CRLF3: variants seen among roughly 807,000 people sequenced by gnomAD.
CRLF3 encodes the protein cytokine receptor like factor 3, also known as cytokine receptor-like factor 3.
A neutral mutation model predicts 55.0 loss-of-function variants in CRLF3; 33 were observed. The ratio of observed to expected loss-of-function variants is 0.60; its 90% CI spans 0.46 to 0.80. The LOEUF is 0.80. Among genes scored for constraint, CRLF3 ranks in the 30% least tolerant of loss-of-function variants. The probability of loss-of-function intolerance (pLI) is 0.00; values close to 1 mark genes in which losing one functional copy is unlikely to be tolerated. For missense variants in CRLF3, 494 were observed against 538.4 expected, an observed-to-expected ratio of 0.92 and a Z score of 0.82; for synonymous variants, 238 against 196.8, an observed-to-expected ratio of 1.21 and a Z score of -1.75.
rs1971563275 is a variant in CRLF3 at position 30,783,793 on chromosome 17, CCTCTTGTTCTAAAGAGTTA to C, written c.*375_*393del. ...CACAGCTTCTTCTATCTGACCTATT[CCTCTTGTTCTAAAGAGTTA>C]CATGGACTTGGATCCTTTAAGATGA... On this transcript the variant is annotated 3_prime_UTR_variant, in exon 8 of 8. Transcript: ENST00000324238. The C allele has an allele frequency of 5.9e-6, 1 of 168,186 alleles. No individual in the cohort carries two copies. The highest frequency in any genetic ancestry group is 1.3e-5 in the Non-Finnish European group (1 of 77,862). 10.4% of individuals were successfully genotyped at this position (168,186 alleles called of 1,614,324 possible).
At chr17:30,823,961 A>G (rs1419704297) in intron 1 of CRLF3, among the ~76,000 whole-genome samples, 2 of 152,152 alleles carry the variant, frequency 1.3e-5, no homozygotes, top group African/African-American at 4.8e-5. Context: ...TTTAAAAAGC[A>G]TTCAAGATCG....
At chr17:30,808,606 A>AT (rs1048761063) in intron 1 of CRLF3, among the ~76,000 whole-genome samples, 64 of 136,242 alleles carry the variant, frequency 4.7e-4, no homozygotes, top group Admixed American at 3.1e-4. Context: ...ATATATATAT[A>AT]TTTTTTTTTT....
chr17:30,806,944 A>G lies in CRLF3; in HGVS notation c.130-2836T>C, dbSNP rs989453474. Among the ~76,000 whole-genome samples, 9 of 151,992 alleles carry G rather than the reference A, an allele frequency of 5.9e-5. No individual in the cohort carries two copies. The Middle Eastern group carries it at 0.014, about 231-fold the overall frequency. On this transcript the variant is annotated intron_variant, in intron 1 of 7. Coordinates refer to ENST00000324238, the MANE Select transcript of CRLF3 (RefSeq NM_015986.4). The stretch of plus-strand genomic sequence containing the variant: ...TCCACTGCACCTGGTCCAGATTTTT[A>G]TTTTAAAGACTTCAGATAACAGGCC...
intron 1 of CRLF3, among the ~76,000 whole-genome samples, chr17:30,811,766 T>C (rs1319339800): frequency 8.1e-6 from 1 of 123,364 alleles, no homozygotes; most frequent in Non-Finnish European, 1.6e-5. Flanking sequence ...GCCGTGCCAC[T>C]GCACTCCAGC....
rs1245468960 is a variant in CRLF3 at position 30,804,024 on chromosome 17, C to T, written c.214G>A (p.Glu72Lys). 5 of 1,613,554 alleles carry T rather than the reference C, an allele frequency of 3.1e-6. No individual in the cohort carries two copies. The highest frequency in any genetic ancestry group is 4.2e-6 in the Non-Finnish European group (5 of 1,179,906). The change falls in exon 2 of 8, where the codon GAG (glutamate) becomes AAG (lysine). Residue 72 changes from glutamate (E) to lysine (K), a missense_variant. Physicochemically the swap from Glu to Lys is moderately conservative, Grantham distance 56. Transcript: ENST00000324238. ...LKGTLGKLLDERLVTLLQEVD... is the reference protein window; with the variant it reads ...LKGTLGKLLDKRLVTLLQEVD... ...TCTTGCAAAAGGGTCACCAATCGCT[C>T]ATCCAGGAGCTTTCCAAGGGTTCCC...
Position 30,784,112 on chromosome 17 carries a change from T to A in CRLF3, c.*75A>T, listed in dbSNP as rs907471098. 7.5e-6 allele frequency: 10 copies of A among 1,342,214 alleles called. No homozygotes were observed. Among genetic ancestry groups the A allele is most frequent in the Middle Eastern group, 2.7e-4 (1 of 3,736 alleles). 83.1% of individuals were successfully genotyped at this position (1,342,214 alleles called of 1,614,324 possible). ...TTAGAGATGAATTCAACTTTTTTTT[T>A]AAAGCAATTACAACTACGCTGGGCT... On this transcript the variant is annotated 3_prime_UTR_variant, in exon 8 of 8. Transcript: ENST00000324238.
chr17:30,792,563 G>GCTGT lies in CRLF3; in HGVS notation c.832_835dup (p.Ala279AspfsTer5), dbSNP rs754793451. ...GCTCAGACTGTACCCCTCAAAACCA[G>GCTGT]CTGTCCACTCTTTTTCAAAGCAAAG... On this transcript the variant is annotated frameshift_variant, in exon 6 of 8. Coordinates refer to ENST00000324238, the MANE Select transcript of CRLF3 (RefSeq NM_015986.4). LOFTEE classifies it high-confidence loss of function. 1 of 1,597,144 alleles carries GCTGT rather than the reference G, an allele frequency of 6.3e-7. No individual in the cohort carries two copies. The highest frequency in any genetic ancestry group is 1.1e-5 in the South Asian group (1 of 90,242).
At chr17:30,803,165 CA>C (rs147266873) in intron 2 of CRLF3, among the ~76,000 whole-genome samples, 38 of 143,750 alleles carry the variant, frequency 2.6e-4, no homozygotes, top group Admixed American at 2.8e-4. Context: ...ACCCCTGTGT[CA>C]AAAAAAAAAT....
intron 1 of CRLF3, among the ~76,000 whole-genome samples, chr17:30,811,643 AAT>A (rs1236422359): frequency 2.6e-5 from 4 of 151,120 alleles, no homozygotes; most frequent in African/African-American, 9.7e-5. Flanking sequence ...CTCTACTAAA[AAT>A]ACAAAAAAAT....
At chr17:30,784,953 T>G (rs1334431102) in intron 7 of CRLF3, 1 of 154,260 alleles carries the variant, frequency 6.5e-6, no homozygotes, top group Non-Finnish European at 1.4e-5. Context: ...TTTCACCATG[T>G]TGGCCAGGAT....
At chr17:30,784,705 T>C (rs1034684601) in intron 7 of CRLF3, 7 of 353,524 alleles carry the variant, frequency 2.0e-5, no homozygotes, top group Admixed American at 8.7e-5. Context: ...CTATTTCTTA[T>C]GGAATAAACA....
intron 1 of CRLF3, 65 bp downstream of exon 1, chr17:30,824,458 A>G: frequency 6.7e-7 from 1 of 1,490,034 alleles, no homozygotes; most frequent in Non-Finnish European, 8.9e-7. Flanking sequence ...AAGCCCTCCC[A>G]GCCTTCGCCC....
At chr17:30,823,023 A>G (rs1905040545) in intron 1 of CRLF3, among the ~76,000 whole-genome samples, 1 of 152,116 alleles carries the variant, frequency 6.6e-6, no homozygotes, top group South Asian at 2.1e-4. Context: ...TTCGCCACTA[A>G]AATGCAAATG....
Position 30,782,703 on chromosome 17 carries a change from AT to A in CRLF3, c.*1483del, listed in dbSNP as rs571081571. The A allele has an allele frequency of 8.3e-4, 127 of 152,284 alleles. No individual in the cohort carries two copies. Among genetic ancestry groups the A allele is most frequent in the African/African-American group, 2.9e-3 (121 of 41,568 alleles). 9.4% of individuals were successfully genotyped at this position (152,284 alleles called of 1,614,324 possible). A position where few individuals can be genotyped will look rare whatever the true frequency, so the allele number is the denominator to read the frequency against. On this transcript the variant is annotated 3_prime_UTR_variant, in exon 8 of 8. Coordinates refer to ENST00000324238, the MANE Select transcript of CRLF3 (RefSeq NM_015986.4). ...ACACACTGAACTTTTTTAGTTTTTT[AT>A]TTTGATTCCTATGGCTGGACAAGGT...
At chr17:30,811,483 A>C (rs1283265962) in intron 1 of CRLF3, among the ~76,000 whole-genome samples, 4 of 151,238 alleles carry the variant, frequency 2.6e-5, no homozygotes, top group Admixed American at 6.6e-5. Context: ...AAACACCACA[A>C]AAAAAAACAG....
intron 1 of CRLF3, among the ~76,000 whole-genome samples, chr17:30,816,233 G>T (rs1293590717): frequency 8.2e-5 from 12 of 147,112 alleles, no homozygotes; most frequent in Admixed American, 7.6e-4. Context: ...AGTGAGCCGA[G>T]ATCGCACCAC....
intron 2 of CRLF3, among the ~76,000 whole-genome samples, chr17:30,802,502 C>T (rs1477381565): frequency 6.6e-6 from 1 of 152,108 alleles, no homozygotes; most frequent in Non-Finnish European, 1.5e-5. Context: ...GCAATCACGG[C>T]TCACTGCAGT....
intron 6 of CRLF3, among the ~76,000 whole-genome samples, chr17:30,789,757 A>G (rs1317887363): frequency 1.3e-5 from 2 of 152,214 alleles, no homozygotes; most frequent in Admixed American, 6.5e-5. Flanking sequence ...CATAGTAAAT[A>G]CTGTTTAAAT....
At chr17:30,814,672 A>T (rs1904729515) in intron 1 of CRLF3, among the ~76,000 whole-genome samples, 1 of 151,352 alleles carries the variant, frequency 6.6e-6, no homozygotes. Flanking sequence ...AAAAAAAAAT[A>T]GTTCTCTATC....
Sources: allele counts gnomAD v4.1 joint callset (sites outside exome capture counted in the v4.1 genomes callset), GRCh38; gene constraint gnomAD v4.1.1; transcripts MANE v1.5; gene names NCBI Gene and HGNC (gene_info 2026-07-23, HGNC 2026-07-21).